TGM6: variants seen among roughly 807,000 people sequenced by gnomAD.
TGM6 encodes protein-glutamine gamma-glutamyltransferase 6.
TGM6 carries 74 observed loss-of-function variants against 77.5 expected under a neutral mutation model. That is an observed-to-expected ratio of 0.96 (90% CI 0.79 to 1.16). The LOEUF (loss-of-function observed/expected upper bound fraction) is 1.16, where lower values mean the gene tolerates loss of function less well. TGM6 is among the 50% of genes most tolerant of loss of function. TGM6 has a pLI of 0.00. For synonymous variants in TGM6, 383 were observed against 378.9 expected (o/e 1.01, Z -0.12); for missense variants, 968 against 940.2 (o/e 1.03, Z -0.39).
Position 2,398,045 on chromosome 20 carries a change from TG to T in TGM6, c.672+1del. On this transcript the variant is annotated frameshift_variant and splice_region_variant, in exon 5 of 13. Transcript: ENST00000202625. LOFTEE classifies it high-confidence loss of function. ...PIYVTRVISA[M>X]VNSNNDRGVV... ...TACGTCACCAGGGTCATCAGTGCCA[TG>T]GTGAGAAGCCCCTCCATCCCTGCAC... The T allele has an allele frequency of 6.2e-7, 1 of 1,614,044 alleles. No homozygotes were observed. Among genetic ancestry groups the T allele is most frequent in the Non-Finnish European group, 8.5e-7 (1 of 1,179,992 alleles).
At chr20:2,381,225 C>G (rs541134150) in intron 1 of TGM6, among the ~76,000 whole-genome samples, 15 of 152,180 alleles carry the variant, frequency 9.9e-5, no homozygotes, top group Non-Finnish European at 1.5e-4. Context: ...CCAGGTCTCA[C>G]CCCTGTGCCT....
At chr20:2,427,933 C>T (rs2084899053) in intron 10 of TGM6, among the ~76,000 whole-genome samples, 1 of 152,124 alleles carries the variant, frequency 6.6e-6, no homozygotes, top group Non-Finnish European at 1.5e-5. Flanking sequence ...GTTGTAGTTT[C>T]ATTTTCATTT....
At chr20:2,432,385 A>C in intron 12 of TGM6, 105 bp from the exon 13 acceptor site, 1 of 1,429,540 alleles carries the variant, frequency 7.0e-7, no homozygotes, top group Non-Finnish European at 9.8e-7. Flanking sequence ...TCAAGCCACA[A>C]GGTGAACTTG....
At chr20:2,395,579 G>A (rs921073276) in intron 3 of TGM6, 143 bp downstream of exon 3, 4 of 1,472,620 alleles carry the variant, frequency 2.7e-6, no homozygotes, top group African/African-American at 1.4e-5. Flanking sequence ...CCTAGGCAGA[G>A]GTAGGCAATG....
In TGM6 at chr20:2,417,213, G is replaced by T; in HGVS notation, c.1337-19G>T. On this transcript the variant is annotated intron_variant, in intron 9 of 12. Transcript: ENST00000202625. ...GAGCAAGGGGGTGCCTGCCGCTGAC[G>T]TTGTGTGATGCCCTGCAGGGTCCCG... 6.3e-7 allele frequency: 1 copy of T among 1,579,924 alleles called. No individual in the cohort carries two copies. The highest frequency in any genetic ancestry group is 1.7e-4 in the Middle Eastern group (1 of 6,030).
intron 10 of TGM6, among the ~76,000 whole-genome samples, chr20:2,422,047 G>A (rs1418774039): frequency 2.0e-5 from 3 of 151,996 alleles, no homozygotes; most frequent in East Asian, 3.9e-4. Context: ...CAGGAGAATC[G>A]CTTGAACCCG....
intron 10 of TGM6, among the ~76,000 whole-genome samples, chr20:2,427,787 G>A (rs1406524586): frequency 9.2e-5 from 14 of 152,012 alleles, no homozygotes; most frequent in Admixed American, 7.9e-4. Flanking sequence ...ACAGAGTCTC[G>A]TTCTGTCACC....
chr20:2,430,600 G>A lies in TGM6; in HGVS notation c.1833G>A (p.Lys611=). 6.2e-7 allele frequency: 1 copy of A among 1,614,014 alleles called. No homozygotes were observed. Among genetic ancestry groups the A allele is most frequent in the Non-Finnish European group, 8.5e-7 (1 of 1,180,030 alleles). ...CTCTAGAGGACTTCATCACCATCAA[G>A]GTGACCTCAGCCTGCATCTACCATG... ...DITLEDFITI[K]VLGPAMVGVA... The change falls in exon 11 of 13, where the codon AAG becomes AAA. Residue 611 remains lysine, a splice_region_variant and synonymous_variant. Coordinates refer to ENST00000202625, the MANE Select transcript of TGM6 (RefSeq NM_198994.3).
chr20:2,425,413 T>C (rs764730454), intron 10 of TGM6, among the ~76,000 whole-genome samples: 1 of 151,180 alleles, frequency 6.6e-6, no homozygotes, highest in Non-Finnish European at 1.5e-5. Flanking sequence ...AAATGGCTCT[T>C]ATAGAGTTGC....
chr20:2,415,290 A>C (rs1277734415), intron 9 of TGM6, among the ~76,000 whole-genome samples: 1 of 152,172 alleles, frequency 6.6e-6, no homozygotes, highest in Non-Finnish European at 1.5e-5. Context: ...GTATCAGGGT[A>C]CCTTCAGGGG....
At chr20:2,391,375 G>C (rs961575027) in intron 1 of TGM6, among the ~76,000 whole-genome samples, 1 of 152,138 alleles carries the variant, frequency 6.6e-6, no homozygotes, top group Non-Finnish European at 1.5e-5. Flanking sequence ...GACAATCACA[G>C]GCACCCCAAC....
At chr20:2,388,553 C>T (rs998950370) in intron 1 of TGM6, among the ~76,000 whole-genome samples, 1 of 151,326 alleles carries the variant, frequency 6.6e-6, no homozygotes, top group Non-Finnish European at 1.5e-5. Flanking sequence ...GGGAGGATTG[C>T]TTGAGGCCAG....
chr20:2,406,508 G>T (rs1599955109), intron 9 of TGM6, among the ~76,000 whole-genome samples: 1 of 107,054 alleles, frequency 9.3e-6, no homozygotes, highest in Non-Finnish European at 1.9e-5. Flanking sequence ...AAAAAAAAAA[G>T]TACATGAGGT....
At chr20:2,382,897 T>C (rs910701132) in intron 1 of TGM6, among the ~76,000 whole-genome samples, 3 of 152,206 alleles carry the variant, frequency 2.0e-5, no homozygotes, top group African/African-American at 7.2e-5. Context: ...TGATCAGTGT[T>C]GGCAAAGGAG....
intron 7 of TGM6, among the ~76,000 whole-genome samples, chr20:2,400,735 G>A (rs1234085837): frequency 3.3e-5 from 5 of 151,900 alleles, no homozygotes; most frequent in African/African-American, 1.2e-4. Context: ...CCTGGGGTGG[G>A]GTGGGGTGGG....
chr20:2,383,056 G>A (rs1490226140), intron 1 of TGM6, among the ~76,000 whole-genome samples: 1 of 152,204 alleles, frequency 6.6e-6, no homozygotes, highest in Admixed American at 6.5e-5. Flanking sequence ...AGAGAGGCCA[G>A]CAGCTTCCAA....
intron 9 of TGM6, among the ~76,000 whole-genome samples, chr20:2,412,695 A>T (rs2084791885): frequency 6.6e-6 from 1 of 152,206 alleles, no homozygotes; most frequent in African/African-American, 2.4e-5. Flanking sequence ...GCAGAACACA[A>T]GATCAATATA....
intron 9 of TGM6, among the ~76,000 whole-genome samples, chr20:2,410,234 C>T (rs4053458): frequency 0.15 from 23,253 of 151,978 alleles, 1,938 homozygotes; most frequent in East Asian, 0.25. Flanking sequence ...TCACCTAAGG[C>T]CTATGATTTA....
intron 1 of TGM6, 132 bp from the exon 2 acceptor site, chr20:2,394,318 CAG>C (rs1394298969): frequency 7.5e-6 from 8 of 1,064,412 alleles, no homozygotes; most frequent in Non-Finnish European, 1.1e-5. Context: ...AACAAACAAA[CAG>C]AGAATCGCCG....
Sources: allele counts gnomAD v4.1 joint callset (sites outside exome capture counted in the v4.1 genomes callset), GRCh38; gene constraint gnomAD v4.1.1; transcripts MANE v1.5; gene names NCBI Gene and HGNC (gene_info 2026-07-23, HGNC 2026-07-21).